The following PPEF2 variants were observed in gnomAD, a reference collection of about 807,000 sequenced individuals.
The protein encoded by PPEF2 is protein phosphatase with EF-hand domain 2, also known as serine/threonine-protein phosphatase with EF-hands 2.
In PPEF2, 84 loss-of-function variants were observed where a neutral mutation model predicts 84.7. That is an observed-to-expected ratio of 0.99 (90% CI 0.83 to 1.19). The LOEUF (loss-of-function observed/expected upper bound fraction) is 1.19, where lower values mean the gene tolerates loss of function less well. PPEF2 is among the 50% of genes most tolerant of loss of function. The probability of loss-of-function intolerance (pLI) is 0.00; values close to 1 mark genes in which losing one functional copy is unlikely to be tolerated. For missense variants in PPEF2, 924 were observed against 937.5 expected, an observed-to-expected ratio of 0.99 and a Z score of 0.19; for synonymous variants, 346 against 345.2, an observed-to-expected ratio of 1.00 and a Z score of -0.03.
At chr4:75,879,372 C>T (rs191246476) in intron 10 of PPEF2, among the ~76,000 whole-genome samples, 100 of 152,262 alleles carry the variant, frequency 6.6e-4, no homozygotes, top group Middle Eastern at 6.8e-3. Context: ...CAAAATCTGT[C>T]CAGTTCTCAT....
At chr4:75,862,785 A>G (rs1179883332) in intron 16 of PPEF2, among the ~76,000 whole-genome samples, 1 of 152,232 alleles carries the variant, frequency 6.6e-6, no homozygotes, top group Admixed American at 6.5e-5. Context: ...ATGACCAGGC[A>G]ATTACACTCC....
intron 8 of PPEF2, among the ~76,000 whole-genome samples, chr4:75,883,945 C>A (rs1167278202): frequency 6.7e-6 from 1 of 150,128 alleles, no homozygotes; most frequent in Non-Finnish European, 1.5e-5. Flanking sequence ...GCCTGACCAA[C>A]ATGGTGAAAC....
At chr4:75,889,454 CCT>C (rs1724821790) in intron 5 of PPEF2, among the ~76,000 whole-genome samples, 1 of 152,208 alleles carries the variant, frequency 6.6e-6, no homozygotes, top group Non-Finnish European at 1.5e-5. Context: ...TTCCTCACCA[CCT>C]TAGATCTTTG....
intron 2 of PPEF2, among the ~76,000 whole-genome samples, chr4:75,893,017 T>C: frequency 6.6e-6 from 1 of 152,282 alleles, no homozygotes; most frequent in Non-Finnish European, 1.5e-5. Flanking sequence ...ATAGAATTCT[T>C]GCTGATTTCC....
chr4:75,893,980 T>G (rs1012226447), intron 2 of PPEF2, among the ~76,000 whole-genome samples: 2 of 152,230 alleles, frequency 1.3e-5, no homozygotes, highest in African/African-American at 4.8e-5. Context: ...TATCCCATCA[T>G]GTATTTTTAA....
intron 5 of PPEF2, among the ~76,000 whole-genome samples, chr4:75,888,739 G>T (rs2149226004): frequency 6.6e-6 from 1 of 152,324 alleles, no homozygotes; most frequent in Admixed American, 6.5e-5. Flanking sequence ...AGAGGGGAAG[G>T]ATTGAATTCT....
Position 75,883,274 on chromosome 4 carries a change from G to A in PPEF2, c.747-72C>T, listed in dbSNP as rs772320346. On this transcript the variant is annotated intron_variant, in intron 8 of 16. Transcript: ENST00000286719. ...TAATCAGGGCATAATCACATTTTTA[G>A]AAGAATGCATATTCTGGGTATATGT... The A allele has an allele frequency of 1.1e-4, 151 of 1,386,032 alleles. 2 individuals carry two copies. In the South Asian group the frequency reaches 1.7e-3, roughly 16 times the overall value. The allele number at this position is 1,386,032 out of a possible 1,614,324, so 85.9% of individuals were successfully genotyped here.
intron 10 of PPEF2, among the ~76,000 whole-genome samples, chr4:75,878,879 A>G (rs1420362135): frequency 1.3e-5 from 2 of 152,156 alleles, no homozygotes; most frequent in East Asian, 3.8e-4. Flanking sequence ...TATATTCCCA[A>G]GCAATTCATA....
intron 1 of PPEF2, among the ~76,000 whole-genome samples, chr4:75,900,313 A>G (rs928463068): frequency 2.0e-5 from 3 of 152,200 alleles, no homozygotes; most frequent in African/African-American, 7.2e-5. Context: ...TTTATTGGAG[A>G]TAGAAATATA....
Position 75,876,290 on chromosome 4 carries a change from C to A in PPEF2, c.1317G>T (p.Arg439Ser). The A allele has an allele frequency of 6.3e-7, 1 of 1,599,134 alleles. No individual in the cohort carries two copies. The highest frequency in any genetic ancestry group is 8.5e-7 in the Non-Finnish European group (1 of 1,172,004). Residue 439 changes from arginine (R) to serine (S), a missense_variant, in exon 11 of 17, where the codon AGG becomes AGT. Coordinates refer to ENST00000286719, the MANE Select transcript of PPEF2 (RefSeq NM_006239.3). ...AGCAGCGCCTGGCCACGCTCACCTG[C>A]CTCCACTCCTCCTGAGTGGGCTTCC... ...ELRKPTQEEW[R>S]QVVDILWSDP...
At chr4:75,887,417 A>C (rs777922933) in intron 6 of PPEF2, among the ~76,000 whole-genome samples, 5 of 152,066 alleles carry the variant, frequency 3.3e-5, no homozygotes, top group Admixed American at 6.6e-5. Context: ...GTCAGGAGAT[A>C]AAGACCATCC....
intron 5 of PPEF2, 47 bp from the exon 6 acceptor site, chr4:75,888,375 G>T (rs778969662): frequency 7.0e-7 from 1 of 1,425,928 alleles, no homozygotes; most frequent in East Asian, 2.3e-5. Context: ...ACTGATATTC[G>T]TGAGGGAAAA....
chr4:75,889,203 C>T (rs1431052454), intron 5 of PPEF2: 1 of 152,368 alleles, frequency 6.6e-6, no homozygotes, highest in African/African-American at 2.4e-5. Context: ...CAGAGCGAGA[C>T]TCTGTCTCAA....
intron 2 of PPEF2, among the ~76,000 whole-genome samples, chr4:75,894,425 A>C (rs1005972310): frequency 6.6e-6 from 1 of 152,252 alleles, no homozygotes; most frequent in African/African-American, 2.4e-5. Context: ...AAGCAGATGT[A>C]GGACTCCCTC....
In PPEF2 at chr4:75,860,955, G is replaced by A. The variant is rs766419537; in HGVS notation, c.2009-35C>T. On this transcript the variant is annotated intron_variant, in intron 16 of 16. Transcript: ENST00000286719. ...GGGAGGAAATCACTTCAGTGAGTTAGTCTAGTTTTTAATGTTCATTTTCTC... is the reference window on the plus strand; with the variant it reads ...GGGAGGAAATCACTTCAGTGAGTTAATCTAGTTTTTAATGTTCATTTTCTC... 3 of 1,602,400 alleles carry A rather than the reference G, an allele frequency of 1.9e-6. No homozygotes were observed. In the Admixed American group the frequency reaches 5.0e-5, roughly 27 times the overall value.
intron 13 of PPEF2, 59 bp from the exon 14 acceptor site, chr4:75,867,478 G>A (rs1724159729): frequency 1.6e-6 from 2 of 1,225,376 alleles, no homozygotes; most frequent in Admixed American, 1.9e-5. Context: ...AATACTTAGA[G>A]ATTTTACTAT....
At chr4:75,863,692 A>G (rs1724061418) in intron 16 of PPEF2, among the ~76,000 whole-genome samples, 1 of 152,048 alleles carries the variant, frequency 6.6e-6, no homozygotes, top group African/African-American at 2.4e-5. Flanking sequence ...ATGAGGATGT[A>G]CAGGACCTCA....
At chr4:75,877,323 G>A (rs1724452200) in intron 10 of PPEF2, among the ~76,000 whole-genome samples, 1 of 149,738 alleles carries the variant, frequency 6.7e-6, no homozygotes, top group African/African-American at 2.5e-5. Flanking sequence ...GGCAACAAGA[G>A]TGAAACTCCA....
In PPEF2 at chr4:75,873,211, C is replaced by T. The variant is rs1724326737; in HGVS notation, c.1422G>A (p.Gln474=). The change falls in exon 12 of 17, where the codon CAG becomes CAA. Residue 474 remains glutamine, a synonymous_variant. Coordinates refer to ENST00000286719, the MANE Select transcript of PPEF2 (RefSeq NM_006239.3). ...ATTGCATGTTGTATTTTTGTAGCAACTGTTGTGTCACATCAGGCCCAAAAT... is the reference window on the plus strand; with the variant it reads ...ATTGCATGTTGTATTTTTGTAGCAATTGTTGTGTCACATCAGGCCCAAAAT... ...GCYFGPDVTQ[Q]LLQKYNMQFL... 6.2e-7 allele frequency: 1 copy of T among 1,614,042 alleles called. No homozygotes were observed. The highest frequency in any genetic ancestry group is 1.3e-5 in the African/African-American group (1 of 75,020).
Sources: allele counts gnomAD v4.1 joint callset (sites outside exome capture counted in the v4.1 genomes callset), GRCh38; gene constraint gnomAD v4.1.1; transcripts MANE v1.5; gene names NCBI Gene and HGNC (gene_info 2026-07-23, HGNC 2026-07-21).